IRF4: variants seen among roughly 807,000 people sequenced by gnomAD.
IRF4 encodes lymphocyte-specific interferon regulatory factor.
IRF4 carries 13 observed loss-of-function variants against 55.5 expected under a neutral mutation model. That is an observed-to-expected ratio of 0.23 (90% CI 0.15 to 0.37). The LOEUF is 0.37. Among genes scored for constraint, IRF4 ranks in the 10% least tolerant of loss-of-function variants. The pLI is 1.00. For missense variants in IRF4, 397 were observed against 593.8 expected (o/e 0.67, Z 3.44); for synonymous variants, 249 against 240.7 (o/e 1.03, Z -0.32).
At chr6:397,790 G>A (rs1476431059) in intron 5 of IRF4, among the ~76,000 whole-genome samples, 1 of 152,202 alleles carries the variant, frequency 6.6e-6, no homozygotes, top group Non-Finnish European at 1.5e-5. Context: ...GAGTTCCCCA[G>A]ACATCAAAAT....
intron 2 of IRF4, among the ~76,000 whole-genome samples, chr6:394,286 C>T (rs1298511692): frequency 6.6e-6 from 1 of 152,206 alleles, no homozygotes; most frequent in Non-Finnish European, 1.5e-5. Flanking sequence ...CCGCATCTCA[C>T]TCTACCGGTT....
rs1003421248 is a variant in IRF4, at chr6:406,416, C to T, written c.1213-1039C>T. 4.6e-5 allele frequency among the ~76,000 whole-genome samples: 7 copies of T among 152,198 alleles called. No individual in the cohort carries two copies. In the South Asian group the frequency reaches 6.2e-4, roughly 14 times the overall value. ...AATTAGCCGGGCGTGGTGGTGCGCA[C>T]CTGTAATCCCAGCTACTCGGGAGGC... On this transcript the variant is annotated intron_variant, in intron 8 of 8. Transcript: ENST00000380956.
At position 409,939 on chromosome 6, in the gene IRF4, G is replaced by C. The variant is rs191954703; in HGVS notation, c.*2341G>C. Reference sequence around the variant, plus strand: ...AGTGGAGCTGAATTTTCTGGAAAATGCTTCTTGGCTGGGGCCACTACCTCC... The same window carrying C: ...AGTGGAGCTGAATTTTCTGGAAAATCCTTCTTGGCTGGGGCCACTACCTCC... On this transcript the variant is annotated 3_prime_UTR_variant, in exon 9 of 9. Transcript: ENST00000380956. The C allele has an allele frequency of 2.6e-5, 6 of 229,236 alleles. No individual in the cohort carries two copies. The highest frequency in any genetic ancestry group is 1.1e-4 in the African/African-American group (5 of 45,126). 14.2% of individuals were successfully genotyped at this position (229,236 alleles called of 1,614,324 possible).
In IRF4 at chr6:396,136, A is replaced by C; in HGVS notation, c.492+201A>C. On this transcript the variant is annotated intron_variant, in intron 4 of 8. Coordinates refer to ENST00000380956, the MANE Select transcript of IRF4 (RefSeq NM_002460.4). ...CATTGGTGTGGATTTTAAGTTGGGG[A>C]GGGTCGGGCGTGTCCGCCTGTTGGA... 3 of 572,918 alleles carry C rather than the reference A, an allele frequency of 5.2e-6. No individual in the cohort carries two copies. In the East Asian group the frequency reaches 8.7e-5, roughly 17 times the overall value. 35.5% of individuals were successfully genotyped at this position (572,918 alleles called of 1,614,324 possible). A position where few individuals can be genotyped will look rare whatever the true frequency, so the allele number is the denominator to read the frequency against.
At chr6:402,596 A>T (rs559663339) in intron 7 of IRF4, among the ~76,000 whole-genome samples, 2 of 152,356 alleles carry the variant, frequency 1.3e-5, no homozygotes, top group South Asian at 4.1e-4. Flanking sequence ...TCTTCATTCA[A>T]CTTATTTAAA....
rs768984596 is a variant in IRF4, at chr6:409,203, T to C, written c.*1605T>C. On this transcript the variant is annotated 3_prime_UTR_variant, in exon 9 of 9. Coordinates refer to ENST00000380956, the MANE Select transcript of IRF4 (RefSeq NM_002460.4). ...TACACAGTTCAGCCTTTATCAAGCT[T>C]AGTGAGCAGTGAGCACTGAAACATT... 11 of 204,548 alleles carry C rather than the reference T, an allele frequency of 5.4e-5. No individual in the cohort carries two copies. The highest frequency in any genetic ancestry group is 9.0e-5 in the Non-Finnish European group (9 of 99,756). 12.7% of individuals were successfully genotyped at this position (204,548 alleles called of 1,614,324 possible). A position where few individuals can be genotyped will look rare whatever the true frequency, so the allele number is the denominator to read the frequency against.
At chr6:406,414 C>T (rs576424969) in intron 8 of IRF4, among the ~76,000 whole-genome samples, 18 of 150,910 alleles carry the variant, frequency 1.2e-4, no homozygotes, top group African/African-American at 3.7e-4. Context: ...TGGTGGTGCG[C>T]ACCTGTAATC....
In IRF4 at chr6:394,871, C is replaced by T; in HGVS notation, c.267C>T (p.Asp89=). Residue 89 remains aspartate, a synonymous_variant, in exon 3 of 9, where the codon GAC becomes GAT. Coordinates refer to ENST00000380956, the MANE Select transcript of IRF4 (RefSeq NM_002460.4). The part of the protein sequence containing the change: ...GKFREGIDKP[D]PPTWKTRLRC... The stretch of plus-strand genomic sequence containing the variant: ...TCCGAGAAGGCATCGACAAGCCGGA[C>T]CCTCCCACCTGGAAGACGCGCCTGC... 6.2e-7 allele frequency: 1 copy of T among 1,614,210 alleles called. No individual in the cohort carries two copies. The highest frequency in any genetic ancestry group is 1.7e-5 in the Admixed American group (1 of 60,030).
Position 405,285 on chromosome 6 carries a change from C to A in IRF4, c.1212+155C>A, listed in dbSNP as rs372853842. On this transcript the variant is annotated intron_variant, in intron 8 of 8. Transcript: ENST00000380956. Reference sequence around the variant, plus strand: ...TAGTGAGGGAGGAAGCATGGTCCAACGAGCAGCACAGTCTGAGGACTCACG... The same window carrying A: ...TAGTGAGGGAGGAAGCATGGTCCAAAGAGCAGCACAGTCTGAGGACTCACG... Among the ~76,000 whole-genome samples, 5 of 152,358 alleles carry A rather than the reference C, an allele frequency of 3.3e-5. No individual in the cohort carries two copies. In the East Asian group the frequency reaches 9.6e-4, roughly 29 times the overall value.
intron 4 of IRF4, among the ~76,000 whole-genome samples, chr6:396,611 C>T (rs3866818): frequency 0.19 from 5,004 of 26,212 alleles, 862 homozygotes; most frequent in Non-Finnish European, 0.34. Flanking sequence ...CCAGTGCTTC[C>T]TATCTCAGCC....
Position 407,624 on chromosome 6 carries a change from T to G in IRF4, c.*26T>G, listed in dbSNP as rs757398829. The G allele has an allele frequency of 3.2e-6, 5 of 1,571,786 alleles. No homozygotes were observed. The South Asian group carries it at 5.9e-5, about 19-fold the overall frequency. On this transcript the variant is annotated 3_prime_UTR_variant, in exon 9 of 9. Transcript: ENST00000380956. ...AAAATGTCAAGATGAGTGGTTTTCT[T>G]TTTCCTTTTTTTTTTTTTTTTTTTG...
rs1331886428 is a variant in IRF4 at position 405,012 on chromosome 6, C to T, written c.1100-6C>T. The T allele has an allele frequency of 3.8e-6, 6 of 1,594,002 alleles. No homozygotes were observed. Among genetic ancestry groups the T allele is most frequent in the Admixed American group, 1.7e-5 (1 of 60,006 alleles). Reference sequence around the variant, plus strand: ...AACATGGTCTCTTTCTTGTGGGCTTCTACAGAGCTGCAAGCGTTTGCTCAC... The same window carrying T: ...AACATGGTCTCTTTCTTGTGGGCTTTTACAGAGCTGCAAGCGTTTGCTCAC... On this transcript the variant is annotated splice_polypyrimidine_tract_variant and splice_region_variant and intron_variant, in intron 7 of 8. Transcript: ENST00000380956.
chr6:398,209 TTAG>T (rs1213621152), intron 5 of IRF4, among the ~76,000 whole-genome samples: 17 of 152,222 alleles, frequency 1.1e-4, no homozygotes, highest in Admixed American at 1.1e-3. Flanking sequence ...CTCTATGGAA[TTAG>T]TAACCATGGG....
At chr6:404,203 A>G (rs1329436208) in intron 7 of IRF4, among the ~76,000 whole-genome samples, 8 of 152,348 alleles carry the variant, frequency 5.3e-5, no homozygotes, top group Non-Finnish European at 1.2e-4. Context: ...AGCTACAGGC[A>G]GAAGATTTGT....
intron 6 of IRF4, among the ~76,000 whole-genome samples, chr6:399,555 G>A (rs1262706327): frequency 6.7e-6 from 1 of 150,300 alleles, no homozygotes; most frequent in African/African-American, 2.5e-5. Flanking sequence ...CTATAAAGAA[G>A]GCACCTCTAG....
intron 7 of IRF4, among the ~76,000 whole-genome samples, chr6:402,868 C>T (rs968574301): frequency 1.2e-4 from 18 of 152,200 alleles, no homozygotes; most frequent in African/African-American, 4.3e-4. Context: ...CCCGTCTCTA[C>T]TAAAGATACA....
chr6:406,358 A>T (rs1422609737), intron 8 of IRF4, among the ~76,000 whole-genome samples: 1 of 152,178 alleles, frequency 6.6e-6, no homozygotes, highest in Non-Finnish European at 1.5e-5. Context: ...CCTGACCAAC[A>T]TGGTGAAACC....
chr6:404,574 G>A (rs753346628), intron 7 of IRF4, among the ~76,000 whole-genome samples: 2 of 152,274 alleles, frequency 1.3e-5, no homozygotes, highest in South Asian at 2.1e-4. Context: ...TGTGGGCTCT[G>A]TAGTGAGGGG....
chr6:408,948 C>G lies in IRF4; in HGVS notation c.*1350C>G, dbSNP rs1761622046. On this transcript the variant is annotated 3_prime_UTR_variant, in exon 9 of 9. Transcript: ENST00000380956. ...GCTTCTATTTATAGAATCCCAAAGACCTCCACTTGCTTAAGTATACCTATC... is the reference window on the plus strand; with the variant it reads ...GCTTCTATTTATAGAATCCCAAAGAGCTCCACTTGCTTAAGTATACCTATC... 4.4e-6 allele frequency: 1 copy of G among 228,552 alleles called. No individual in the cohort carries two copies. The highest frequency in any genetic ancestry group is 8.7e-6 in the Non-Finnish European group (1 of 115,102). 14.2% of individuals were successfully genotyped at this position (228,552 alleles called of 1,614,324 possible).
Sources: gnomAD v4.1 joint callset for allele counts (sites outside exome capture counted in the v4.1 genomes callset) on GRCh38, gnomAD v4.1.1 for gene constraint, MANE v1.5 for transcripts, NCBI Gene and HGNC (gene_info 2026-07-23, HGNC 2026-07-21) for gene names.